The following SMC2 variants were observed in gnomAD, a reference collection of about 807,000 sequenced individuals.
SMC2 encodes structural maintenance of chromosomes 2.
SMC2 carries 41 observed loss-of-function variants against 142.6 expected under a neutral mutation model. The observed-to-expected ratio is 0.29, with a 90% CI of 0.22 to 0.37. SMC2 has a LOEUF of 0.37. SMC2 is among the 10% of genes least tolerant of loss of function. The pLI is 1.00. For missense variants in SMC2, 1,265 were observed against 1,373.7 expected (o/e 0.92, Z 1.25); for synonymous variants, 463 against 457.5 (o/e 1.01, Z -0.15).
chr9:104,100,572 A>G (rs942910657), intron 7 of SMC2, 139 bp downstream of exon 7: 15 of 575,226 alleles, frequency 2.6e-5, no homozygotes, highest in Middle Eastern at 2.7e-4. Flanking sequence ...TTGGCACTCC[A>G]TAACTCAGCG....
chr9:104,103,892 A>G (rs1468544223), intron 9 of SMC2, among the ~76,000 whole-genome samples: 3 of 152,224 alleles, frequency 2.0e-5, no homozygotes, highest in Non-Finnish European at 2.9e-5. Context: ...TGTGGCATCC[A>G]AGAACTGAAA....
chr9:104,139,023 T>A, intron 24 of SMC2, 116 bp from the exon 25 acceptor site: 1 of 587,240 alleles, frequency 1.7e-6, no homozygotes, highest in Non-Finnish European at 2.7e-6. Context: ...AGGTGCCTCA[T>A]ATAACTATTT....
intron 16 of SMC2, 55 bp downstream of exon 16, chr9:104,120,217 G>T: frequency 6.9e-7 from 1 of 1,440,976 alleles, no homozygotes; most frequent in South Asian, 1.3e-5. Context: ...GAAAATGATA[G>T]AAAATTTACT....
At chr9:104,097,511 A>G (rs966147495) in intron 3 of SMC2, among the ~76,000 whole-genome samples, 2 of 60,606 alleles carry the variant, frequency 3.3e-5, no homozygotes, top group African/African-American at 5.9e-5. Flanking sequence ...TCTGGTTGAA[A>G]AAAAAAAAAA....
chr9:104,095,476 C>T lies in SMC2; in HGVS notation c.92C>T (p.Thr31Ile), dbSNP rs148002848. 12 of 1,613,842 alleles carry T rather than the reference C, an allele frequency of 7.4e-6. No homozygotes were observed. Among genetic ancestry groups the T allele is most frequent in the Non-Finnish European group, 1.0e-5 (12 of 1,179,760 alleles). ...TTTGACCCCCTCTTCAATGCTATCA[C>T]TGGCTTAAATGGTAGTGGGAAATCC... ...NGFDPLFNAI[T>I]GLNGSGKSNI... Residue 31 changes from threonine to isoleucine, a missense_variant, in exon 2 of 25, where the codon ACT becomes ATT. Physicochemically the swap from Thr to Ile is moderately conservative, Grantham distance 89 (BLOSUM62 -1). Transcript: ENST00000374793.
At chr9:104,107,627 T>C (rs2131357607) in intron 9 of SMC2, among the ~76,000 whole-genome samples, 1 of 152,360 alleles carries the variant, frequency 6.6e-6, no homozygotes, top group African/African-American at 2.4e-5. Context: ...ACCTACCAGC[T>C]GTGGGGCTTC....
chr9:104,110,177 T>C (rs1422529461), intron 9 of SMC2, among the ~76,000 whole-genome samples: 1 of 152,130 alleles, frequency 6.6e-6, no homozygotes, highest in Non-Finnish European at 1.5e-5. Flanking sequence ...ATGGGATCCA[T>C]ATGAAGTGCC....
intron 24 of SMC2, 118 bp downstream of exon 24, chr9:104,138,283 T>A: frequency 1.3e-6 from 1 of 750,510 alleles, no homozygotes; most frequent in Admixed American, 3.4e-5. Flanking sequence ...ACTAAAGCAT[T>A]GTATATCTAT....
chr9:104,136,038 G>A, intron 23 of SMC2: 1 of 426,956 alleles, frequency 2.3e-6, no homozygotes, highest in Non-Finnish European at 4.6e-6. Flanking sequence ...CAGAAAATCA[G>A]CATAGTGATA....
intron 22 of SMC2, among the ~76,000 whole-genome samples, chr9:104,132,381 C>T (rs1281960562): frequency 1.3e-5 from 2 of 152,126 alleles, no homozygotes; most frequent in African/African-American, 4.8e-5. Flanking sequence ...TTACAGGATG[C>T]TTATTCAACA....
At chr9:104,094,611 C>T in intron 1 of SMC2, 134 bp downstream of exon 1, 2 of 380,196 alleles carry the variant, frequency 5.3e-6, no homozygotes, top group Non-Finnish European at 4.7e-6. Context: ...TTAGGTGATC[C>T]TTAGAAATAA....
At chr9:104,106,598 T>C (rs551169328) in intron 9 of SMC2, among the ~76,000 whole-genome samples, 11 of 151,986 alleles carry the variant, frequency 7.2e-5, no homozygotes, top group Non-Finnish European at 1.6e-4. Context: ...CCTCCACGTT[T>C]GTCAGTCTGG....
chr9:104,130,804 C>T (rs947417421), intron 21 of SMC2, among the ~76,000 whole-genome samples: 6 of 152,050 alleles, frequency 3.9e-5, no homozygotes, highest in Non-Finnish European at 7.4e-5. Flanking sequence ...CACTTTTACT[C>T]GTTTACTTCT....
chr9:104,128,416 G>A (rs756752199), intron 20 of SMC2, among the ~76,000 whole-genome samples: 4 of 152,132 alleles, frequency 2.6e-5, no homozygotes, highest in African/African-American at 4.8e-5. Flanking sequence ...TAGTACTGGC[G>A]ATTGCTAGGA....
Position 104,120,094 on chromosome 9 carries a change from G to A in SMC2, c.2064G>A (p.Leu688=), listed in dbSNP as rs777662020. The A allele has an allele frequency of 4.3e-6, 7 of 1,613,924 alleles. No individual in the cohort carries two copies. In the South Asian group the frequency reaches 7.7e-5, roughly 18 times the overall value. ...AACTCAAAGATGTTCAGGATGAACT[G>A]AGAATCAAAGAGAATGAGCTGCGGG... ...FQELKDVQDE[L]RIKENELRAL... is the part of the protein sequence containing the mutation. Residue 688 remains leucine (L), a synonymous_variant, in exon 16 of 25, where the codon CTG becomes CTA. Coordinates refer to ENST00000374793, the MANE Select transcript of SMC2 (RefSeq NM_006444.3).
At chr9:104,096,023 C>T (rs781332443) in intron 2 of SMC2, 125 bp from the exon 3 acceptor site, 4 of 783,776 alleles carry the variant, frequency 5.1e-6, no homozygotes, top group Non-Finnish European at 8.0e-6. Context: ...GATGCAGCTG[C>T]CTAACCTTGT....
chr9:104,132,578 C>T (rs1451662455), intron 22 of SMC2, among the ~76,000 whole-genome samples: 2 of 152,096 alleles, frequency 1.3e-5, no homozygotes, highest in South Asian at 2.1e-4. Context: ...CATAGAGTTA[C>T]TGTGCTGTTT....
chr9:104,124,755 T>G (rs996793356), intron 17 of SMC2, among the ~76,000 whole-genome samples, 157 bp from the exon 18 acceptor site: 1 of 152,196 alleles, frequency 6.6e-6, no homozygotes, highest in Admixed American at 6.5e-5. Context: ...TTGGGTAGGA[T>G]CTGTGTTTCA....
intron 16 of SMC2, among the ~76,000 whole-genome samples, chr9:104,122,047 C>T (rs1419243993): frequency 2.0e-5 from 3 of 152,078 alleles, no homozygotes; most frequent in East Asian, 3.9e-4. Context: ...TGCATTTTAC[C>T]TTCATGAATA....
Sources: gnomAD v4.1 joint callset for allele counts (sites outside exome capture counted in the v4.1 genomes callset) on GRCh38, gnomAD v4.1.1 for gene constraint, MANE v1.5 for transcripts, NCBI Gene and HGNC (gene_info 2026-07-23, HGNC 2026-07-21) for gene names.